SUCLG1: variants seen among roughly 807,000 people sequenced by gnomAD.
SUCLG1 encodes succinate-CoA ligase GDP/ADP-forming subunit alpha.
Under a neutral mutation model 37.3 loss-of-function variants are expected in SUCLG1, and 26 were observed. The observed-to-expected ratio is 0.70, with a 90% confidence interval of 0.51 to 0.97. The LOEUF is 0.97. Among genes scored for constraint, SUCLG1 ranks in the 50% least tolerant of loss-of-function variants. The pLI is 0.00. For missense variants in SUCLG1, 433 were observed against 432.9 expected (o/e 1.00, Z 0.00); for synonymous variants, 163 against 155.6 (o/e 1.05, Z -0.36).
chr2:84,429,845 G>T (rs1024224362), intron 7 of SUCLG1, among the ~76,000 whole-genome samples: 1 of 152,138 alleles, frequency 6.6e-6, no homozygotes, highest in Non-Finnish European at 1.5e-5. Context: ...GTAAAGGGGG[G>T]TGGTTGGAGA....
chr2:84,454,205 C>T (rs1672984789), intron 1 of SUCLG1, among the ~76,000 whole-genome samples: 1 of 152,196 alleles, frequency 6.6e-6, no homozygotes, highest in Non-Finnish European at 1.5e-5. Flanking sequence ...AAAATGTTTT[C>T]TACATGTCCT....
chr2:84,423,613 T>C lies in SUCLG1; in HGVS notation c.*133A>G. The C allele has an allele frequency of 1.2e-6, 1 of 849,806 alleles. No homozygotes were observed. Among genetic ancestry groups the C allele is most frequent in the Non-Finnish European group, 2.0e-6 (1 of 510,178 alleles). The allele number at this position is 849,806 out of a possible 1,614,324, so 52.6% of individuals were successfully genotyped here. A position where few individuals can be genotyped will look rare whatever the true frequency, so the allele number is the denominator to read the frequency against. ...AATTCAGGACATCTTCCACCTTGTTTTGGCTTCCAGTTGTACTGCAAGACC... is the reference window on the plus strand; with the variant it reads ...AATTCAGGACATCTTCCACCTTGTTCTGGCTTCCAGTTGTACTGCAAGACC... On this transcript the variant is annotated 3_prime_UTR_variant, in exon 9 of 9. Coordinates refer to ENST00000393868, the MANE Select transcript of SUCLG1 (RefSeq NM_003849.4).
At position 84,456,946 on chromosome 2, in the gene SUCLG1, GCCA is replaced by G. The variant is rs568735509; in HGVS notation, c.97+2224_97+2226del. ...CAAAGTGCTGGGATTACAGGCATGA[GCCA>G]CCGTGCCAGGCCACTTTTCCTTTTT... On this transcript the variant is annotated intron_variant, in intron 1 of 8. Coordinates refer to ENST00000393868, the MANE Select transcript of SUCLG1 (RefSeq NM_003849.4). Among the ~76,000 whole-genome samples the G allele has an allele frequency of 3.7e-4, 57 of 152,248 alleles. No homozygotes were observed. In the South Asian group the frequency reaches 7.9e-3, roughly 21 times the overall value.
At chr2:84,425,773 C>G in intron 7 of SUCLG1, 170 bp from the exon 8 acceptor site, 1 of 705,670 alleles carries the variant, frequency 1.4e-6, no homozygotes, top group Non-Finnish European at 2.4e-6. Context: ...CCACTGCATT[C>G]TCCTTTGAGT....
At chr2:84,457,793 A>G (rs1253070277) in intron 1 of SUCLG1, among the ~76,000 whole-genome samples, 1 of 152,128 alleles carries the variant, frequency 6.6e-6, no homozygotes. Context: ...AACTTTATTG[A>G]CCTGAGTGAT....
chr2:84,443,079 C>T, intron 3 of SUCLG1: 1 of 586,760 alleles, frequency 1.7e-6, no homozygotes, highest in East Asian at 3.1e-5. Flanking sequence ...AGCCTGGCCA[C>T]AGTACTTCCT....
At chr2:84,454,764 T>G (rs1573377684) in intron 1 of SUCLG1, among the ~76,000 whole-genome samples, 5 of 152,206 alleles carry the variant, frequency 3.3e-5, no homozygotes, top group Admixed American at 3.3e-4. Context: ...TTACCACAGA[T>G]AGTAACACAT....
At chr2:84,456,309 T>C (rs1022250143) in intron 1 of SUCLG1, among the ~76,000 whole-genome samples, 5 of 152,026 alleles carry the variant, frequency 3.3e-5, no homozygotes, top group Admixed American at 6.5e-5. Context: ...TACTGCAGAG[T>C]CAGAAGACCT....
intron 7 of SUCLG1, chr2:84,426,782 G>A (rs1307477991): frequency 1.3e-5 from 2 of 152,116 alleles, no homozygotes; most frequent in Admixed American, 6.5e-5. Flanking sequence ...GTAAAACAGA[G>A]AGGACTGAAA....
At chr2:84,449,800 T>C in intron 1 of SUCLG1, 48 bp from the exon 2 acceptor site, 1 of 1,398,550 alleles carries the variant, frequency 7.2e-7, no homozygotes, top group African/African-American at 1.5e-5. Flanking sequence ...CACATTATAA[T>C]TTTTCTAAAC....
chr2:84,445,848 C>T (rs1280596878), intron 2 of SUCLG1, among the ~76,000 whole-genome samples: 1 of 152,218 alleles, frequency 6.6e-6, no homozygotes, highest in Non-Finnish European at 1.5e-5. Flanking sequence ...CACGGCACTC[C>T]TCTAATCAAA....
At chr2:84,456,470 C>T (rs1673022148) in intron 1 of SUCLG1, among the ~76,000 whole-genome samples, 1 of 152,118 alleles carries the variant, frequency 6.6e-6, no homozygotes, top group Non-Finnish European at 1.5e-5. Context: ...CTTTTATTCC[C>T]TATTTATTCT....
chr2:84,455,109 A>C (rs770849456), intron 1 of SUCLG1, among the ~76,000 whole-genome samples: 2 of 152,212 alleles, frequency 1.3e-5, no homozygotes, highest in Non-Finnish European at 2.9e-5. Flanking sequence ...CCTAAACTCC[A>C]AACAACCCAC....
At position 84,425,466 on chromosome 2, in the gene SUCLG1, T is replaced by C; in HGVS notation, c.963A>G (p.Ala321=). Residue 321 remains alanine (A), a synonymous_variant, in exon 8 of 9, where the codon GCA becomes GCG. Transcript: ENST00000393868. The stretch of plus-strand genomic sequence containing the variant: ...CAGGAGACATACTGACCACAACTCC[T>C]GCACTCTGAAGGGCAGAGATCTTCT... The part of the protein sequence containing the change: ...AKEKISALQS[A]GVVVSMSPAQ... 6.2e-7 allele frequency: 1 copy of C among 1,614,210 alleles called. No homozygotes were observed. Among genetic ancestry groups the C allele is most frequent in the Middle Eastern group, 1.6e-4 (1 of 6,062 alleles).
chr2:84,449,462 T>G (rs1372673318), intron 2 of SUCLG1, among the ~76,000 whole-genome samples, 187 bp downstream of exon 2: 2 of 152,166 alleles, frequency 1.3e-5, no homozygotes, highest in Non-Finnish European at 2.9e-5. Flanking sequence ...AAGGTAAGTT[T>G]AAACACAATT....
chr2:84,426,176 T>C (rs1348633147), intron 7 of SUCLG1: 1 of 160,276 alleles, frequency 6.2e-6, no homozygotes, highest in Non-Finnish European at 1.4e-5. Context: ...AAAAGCCCTT[T>C]CCACTCTGGA....
At chr2:84,440,203 G>A (rs189795732) in intron 5 of SUCLG1, among the ~76,000 whole-genome samples, 9 of 152,196 alleles carry the variant, frequency 5.9e-5, no homozygotes, top group African/African-American at 1.4e-4. Context: ...GGAGAAACCC[G>A]TCTCTACTAA....
At chr2:84,435,598 A>G (rs1403778062) in intron 5 of SUCLG1, among the ~76,000 whole-genome samples, 7 of 152,232 alleles carry the variant, frequency 4.6e-5, no homozygotes, top group Non-Finnish European at 1.0e-4. Flanking sequence ...TTTGTTCATT[A>G]TAATAGTAAA....
intron 1 of SUCLG1, among the ~76,000 whole-genome samples, chr2:84,450,875 A>C (rs957787771): frequency 6.6e-6 from 1 of 152,224 alleles, no homozygotes; most frequent in Non-Finnish European, 1.5e-5. Flanking sequence ...GGGAGAAGAC[A>C]GGCCCAGATT....
Sources: gnomAD v4.1 joint callset for allele counts (sites outside exome capture counted in the v4.1 genomes callset) on GRCh38, gnomAD v4.1.1 for gene constraint, MANE v1.5 for transcripts, NCBI Gene and HGNC (gene_info 2026-07-23, HGNC 2026-07-21) for gene names.